LRBA: variants seen among roughly 807,000 people sequenced by gnomAD.
LRBA encodes the protein LPS responsive beige-like anchor protein, also known as lipopolysaccharide-responsive and beige-like anchor protein.
In LRBA, 176 loss-of-function variants were observed where a neutral mutation model predicts 330.0. The ratio of observed to expected loss-of-function variants is 0.53; its 90% CI spans 0.47 to 0.60. The LOEUF is 0.60. LRBA is among the 20% of genes least tolerant of loss of function. The pLI, the probability that LRBA is intolerant of heterozygous loss-of-function variation, is 0.00. For synonymous variants in LRBA, 1,230 were observed against 1,193.0 expected (o/e 1.03, Z -0.64); for missense variants, 3,259 against 3,444.8 (o/e 0.95, Z 1.35).
intron 37 of LRBA, among the ~76,000 whole-genome samples, chr4:150,604,366 T>C (rs1004538737): frequency 3.3e-5 from 5 of 150,490 alleles, no homozygotes; most frequent in African/African-American, 1.2e-4. Flanking sequence ...ATGATGGCAA[T>C]GAACTCTAGC....
At chr4:150,609,709 T>C (rs2126568139) in intron 37 of LRBA, among the ~76,000 whole-genome samples, 1 of 152,214 alleles carries the variant, frequency 6.6e-6, no homozygotes, top group Middle Eastern at 3.4e-3. Flanking sequence ...TTAATATTGA[T>C]CTCCTCTTCA....
At chr4:150,346,757 CAAAAAAAAAAAAAA>C (rs57119340) in intron 48 of LRBA, among the ~76,000 whole-genome samples, 5 of 66,140 alleles carry the variant, frequency 7.6e-5, no homozygotes, top group Non-Finnish European at 9.8e-5. Context: ...GACTCTGTCT[CAAAAAAAAAAAAAA>C]AAAAAAAAAA....
intron 53 of LRBA, among the ~76,000 whole-genome samples, chr4:150,298,665 T>C (rs1008961570): frequency 6.6e-6 from 1 of 152,040 alleles, no homozygotes; most frequent in Non-Finnish European, 1.5e-5. Flanking sequence ...CTTGTTGTTA[T>C]GAAGAAAAGT....
Position 150,471,612 on chromosome 4 carries a change from G to A in LRBA, c.6667+12C>T, listed in dbSNP as rs2152068376. 3 of 1,391,146 alleles carry A rather than the reference G, an allele frequency of 2.2e-6. No homozygotes were observed. Among genetic ancestry groups the A allele is most frequent in the Non-Finnish European group, 3.0e-6 (3 of 998,010 alleles). The allele number at this position is 1,391,146 out of a possible 1,614,324, so 86.2% of individuals were successfully genotyped here. ...ATTGTCTAAAATAAATCAATACATG[G>A]AATTAGGTTACCTGCTATCGTGTTG... On this transcript the variant is annotated intron_variant, in intron 43 of 56. Transcript: ENST00000651943.
At chr4:150,868,809 G>A (rs754566618) in intron 20 of LRBA, among the ~76,000 whole-genome samples, 2 of 152,012 alleles carry the variant, frequency 1.3e-5, no homozygotes, top group Non-Finnish European at 2.9e-5. Context: ...GTGGTGGCGT[G>A]TGCCTGTAAT....
chr4:150,949,766 C>CTA (rs762784865), intron 2 of LRBA, among the ~76,000 whole-genome samples: 2 of 974 alleles, frequency 2.1e-3, no homozygotes, highest in Admixed American at 0.038. Flanking sequence ...GGCAAGGAAA[C>CTA]TCGTAAGTTC....
chr4:150,379,866 C>T (rs2151885592), intron 47 of LRBA, among the ~76,000 whole-genome samples: 1 of 151,962 alleles, frequency 6.6e-6, no homozygotes. Flanking sequence ...AGGAAAACAA[C>T]AACAAAGAAT....
rs374468585 is a variant in LRBA, at chr4:150,706,810, T to C, written c.5755-23093A>G. ...GACATGCTCACAGAAAGGGAAATAC[T>C]AAGGTTCAGAGATCATCAAACTCAC... On this transcript the variant is annotated intron_variant, in intron 36 of 56. Coordinates refer to ENST00000651943, the MANE Select transcript of LRBA (RefSeq NM_001364905.1). 9.9e-5 allele frequency among the ~76,000 whole-genome samples: 15 copies of C among 151,768 alleles called. 1 individual carries two copies. The highest frequency in any genetic ancestry group is 3.6e-4 in the African/African-American group (15 of 41,514).
chr4:150,598,401 C>T (rs985292906), intron 38 of LRBA, among the ~76,000 whole-genome samples: 4 of 152,082 alleles, frequency 2.6e-5, no homozygotes, highest in Non-Finnish European at 4.4e-5. Context: ...TAGTCATATG[C>T]ATTGTATCAA....
intron 47 of LRBA, among the ~76,000 whole-genome samples, chr4:150,380,185 A>C (rs1229387878): frequency 6.6e-6 from 1 of 151,352 alleles, no homozygotes; most frequent in Non-Finnish European, 1.5e-5. Flanking sequence ...GTCTCAAAAA[A>C]ACAAAACAAA....
intron 47 of LRBA, among the ~76,000 whole-genome samples, chr4:150,411,419 TAAA>T (rs1229791051): frequency 2.0e-5 from 3 of 152,140 alleles, no homozygotes; most frequent in African/African-American, 7.2e-5. Context: ...ACCAAATACT[TAAA>T]AAAGACATGC....
chr4:150,844,178 T>C lies in LRBA; in HGVS notation c.4491A>G (p.Ile1497Met), dbSNP rs1188950363. Residue 1497 changes from isoleucine to methionine, a missense_variant, in exon 28 of 57, where the codon ATA becomes ATG. Coordinates refer to ENST00000651943, the MANE Select transcript of LRBA (RefSeq NM_001364905.1). ...KSPVDIVTGG[I>M]SPVRDLDRLL... ...GCCTGTCAAGATCTCTTACTGGAGA[T>C]ATACCGCCAGTCACAATGTCCACTG... The C allele has an allele frequency of 6.8e-6, 11 of 1,609,962 alleles. No individual in the cohort carries two copies. Among genetic ancestry groups the C allele is most frequent in the Non-Finnish European group, 7.6e-6 (9 of 1,177,166 alleles).
At chr4:150,300,143 T>G in intron 53 of LRBA, among the ~76,000 whole-genome samples, 1 of 152,096 alleles carries the variant, frequency 6.6e-6, no homozygotes, top group East Asian at 1.9e-4. Context: ...TCTATTCTAA[T>G]ATGTGTAAAT....
At position 150,737,296 on chromosome 4, in the gene LRBA, C is replaced by T. The variant is rs148782264; in HGVS notation, c.5646-1930G>A. On this transcript the variant is annotated intron_variant, in intron 35 of 56. Transcript: ENST00000651943. Reference sequence around the variant, plus strand: ...GTAACATAGTGAAACCCTGTCTCTACTAAAAATATAAAAATTAGCCAGGCA... The same window carrying T: ...GTAACATAGTGAAACCCTGTCTCTATTAAAAATATAAAAATTAGCCAGGCA... Among the ~76,000 whole-genome samples, 109 of 152,160 alleles carry T rather than the reference C, an allele frequency of 7.2e-4. 2 individuals carry two copies. The East Asian group carries it at 0.02, about 28-fold the overall frequency.
At chr4:150,518,817 C>T (rs10212789) in intron 40 of LRBA, among the ~76,000 whole-genome samples, 104,419 of 151,896 alleles carry the variant, frequency 0.69, 37,420 homozygotes, top group East Asian at 0.8. Context: ...CAGAGTTCAC[C>T]AAACTTTTTT....
At chr4:150,819,901 T>C (rs1745174468) in intron 30 of LRBA, among the ~76,000 whole-genome samples, 1 of 152,102 alleles carries the variant, frequency 6.6e-6, no homozygotes, top group Admixed American at 6.6e-5. Flanking sequence ...AGATCAGAAG[T>C]ACGGCTTTCT....
intron 2 of LRBA, among the ~76,000 whole-genome samples, chr4:150,963,333 G>A (rs1738392441): frequency 6.7e-6 from 1 of 149,398 alleles, no homozygotes; most frequent in Non-Finnish European, 1.5e-5. Flanking sequence ...TTGCAGGCAT[G>A]CGCCACCACA....
chr4:150,821,078 A>C (rs1462178257), intron 30 of LRBA, among the ~76,000 whole-genome samples: 4 of 152,134 alleles, frequency 2.6e-5, no homozygotes, highest in African/African-American at 9.6e-5. Flanking sequence ...GCTACAGCTT[A>C]AGTTTCTATT....
chr4:150,429,770 T>C (rs768446294), intron 46 of LRBA, among the ~76,000 whole-genome samples: 1 of 152,164 alleles, frequency 6.6e-6, no homozygotes, highest in Non-Finnish European at 1.5e-5. Flanking sequence ...ATTTTGTTTA[T>C]ATCTTACTAT....
Sources: allele counts gnomAD v4.1 joint callset (sites outside exome capture counted in the v4.1 genomes callset), GRCh38; gene constraint gnomAD v4.1.1; transcripts MANE v1.5; gene names NCBI Gene and HGNC (gene_info 2026-07-23, HGNC 2026-07-21).